TTBK2: variants seen among roughly 807,000 people sequenced by gnomAD.
The protein encoded by TTBK2 is tau-tubulin kinase 2.
A neutral mutation model predicts 110.8 loss-of-function variants in TTBK2; 28 were observed. That is an observed-to-expected ratio of 0.25 (90% confidence interval 0.19 to 0.35). The LOEUF is 0.35. Among genes scored for constraint, TTBK2 ranks in the 10% least tolerant of loss-of-function variants. TTBK2 has a pLI of 1.00. For missense variants in TTBK2, 1,369 were observed against 1,500.3 expected (o/e 0.91, Z 1.45); for synonymous variants, 532 against 527.3 (o/e 1.01, Z -0.12).
At chr15:42,873,657 G>C (rs1353163977) in intron 2 of TTBK2, among the ~76,000 whole-genome samples, 4 of 152,160 alleles carry the variant, frequency 2.6e-5, no homozygotes, top group Non-Finnish European at 4.4e-5. Context: ...AAATATGTTA[G>C]CTTAACTGGG....
chr15:42,853,634 G>A (rs1893809362), intron 3 of TTBK2, among the ~76,000 whole-genome samples: 1 of 152,162 alleles, frequency 6.6e-6, no homozygotes, highest in African/African-American at 2.4e-5. Flanking sequence ...AGCTAACATG[G>A]AAAAGAAGGG....
chr15:42,806,891 T>C (rs1299370555), intron 9 of TTBK2, among the ~76,000 whole-genome samples: 1 of 152,168 alleles, frequency 6.6e-6, no homozygotes, highest in Non-Finnish European at 1.5e-5. Flanking sequence ...CAATTCTTCT[T>C]CTTCCAGTGT....
intron 9 of TTBK2, chr15:42,801,963 C>T: frequency 6.3e-7 from 1 of 1,582,070 alleles, no homozygotes; most frequent in Non-Finnish European, 8.6e-7. Flanking sequence ...GAGTCTCCAG[C>T]TGCCACTTAA....
At chr15:42,783,725 C>A in intron 10 of TTBK2, 90 bp from the exon 11 acceptor site, 1 of 1,019,480 alleles carries the variant, frequency 9.8e-7, no homozygotes, top group Non-Finnish European at 1.5e-6. Flanking sequence ...AAATGAACTC[C>A]ACACATAATT....
intron 1 of TTBK2, among the ~76,000 whole-genome samples, chr15:42,917,943 T>C (rs1307394982): frequency 6.6e-6 from 1 of 152,162 alleles, no homozygotes; most frequent in Non-Finnish European, 1.5e-5. Flanking sequence ...TTTTTTTAAG[T>C]GTGGAAAGAA....
At position 42,775,550 on chromosome 15, in the gene TTBK2, T is replaced by C; in HGVS notation, c.1583A>G (p.Asp528Gly). ...TATAAATCCATTGCTGCCACCACCA[T>C]CTGCCTGCTCAGGGGTGTTGGCAGA... Reference protein sequence around the residue: ...PASANTPEQADGGGSNGFIAV... With the variant: ...PASANTPEQAGGGGSNGFIAV... The change falls in exon 13 of 15, where the codon GAT (aspartate) becomes GGT (glycine). Residue 528 changes from aspartate to glycine, a missense_variant. Physicochemically the swap from Asp to Gly is moderately conservative, Grantham distance 94. Coordinates refer to ENST00000267890, the MANE Select transcript of TTBK2 (RefSeq NM_173500.4). The C allele has an allele frequency of 6.2e-7, 1 of 1,614,206 alleles. No individual in the cohort carries two copies. Among genetic ancestry groups the C allele is most frequent in the Non-Finnish European group, 8.5e-7 (1 of 1,180,024 alleles).
Position 42,749,048 on chromosome 15 carries a change from A to G in TTBK2, c.3273-2791T>C, listed in dbSNP as rs17712677. Reference sequence around the variant, plus strand: ...TGGGATTCTGACTGAACAAAGCTAGAAAATTGCTGATCATCAAAATGCAAC... The same window carrying G: ...TGGGATTCTGACTGAACAAAGCTAGGAAATTGCTGATCATCAAAATGCAAC... On this transcript the variant is annotated intron_variant, in intron 14 of 14. Transcript: ENST00000267890. 6.3e-3 allele frequency among the ~76,000 whole-genome samples: 962 copies of G among 152,356 alleles called. 6 individuals carry two copies. Among genetic ancestry groups the G allele is most frequent in the Non-Finnish European group, 9.5e-3 (643 of 68,030 alleles).
chr15:42,790,422 C>T (rs1218151279), intron 10 of TTBK2, among the ~76,000 whole-genome samples: 2 of 151,316 alleles, frequency 1.3e-5, no homozygotes, highest in African/African-American at 4.9e-5. Context: ...GTAGCTGGGA[C>T]TATAGGTGCA....
At chr15:42,908,344 A>T (rs2030536463) in intron 1 of TTBK2, 1 of 152,142 alleles carries the variant, frequency 6.6e-6, no homozygotes, top group African/African-American at 2.4e-5. Context: ...GGTGGTGTGC[A>T]TCTATAGTCC....
chr15:42,902,611 G>T (rs901782745), intron 1 of TTBK2, among the ~76,000 whole-genome samples: 1 of 152,154 alleles, frequency 6.6e-6, no homozygotes, highest in Non-Finnish European at 1.5e-5. Flanking sequence ...TGCCGGTGAG[G>T]ATGTGAAAAA....
intron 1 of TTBK2, among the ~76,000 whole-genome samples, chr15:42,883,598 G>C (rs192913886): frequency 1.3e-5 from 2 of 151,112 alleles, no homozygotes; most frequent in African/African-American, 4.8e-5. Flanking sequence ...AGAGATATCA[G>C]GAAAAGCAAA....
intron 9 of TTBK2, among the ~76,000 whole-genome samples, chr15:42,795,271 T>G (rs1220681895): frequency 6.7e-6 from 1 of 150,178 alleles, no homozygotes; most frequent in Non-Finnish European, 1.5e-5. Flanking sequence ...TTTTTTTTTT[T>G]GCAGGTTTAA....
intron 10 of TTBK2, among the ~76,000 whole-genome samples, chr15:42,787,715 G>A (rs1045342541): frequency 2.0e-5 from 3 of 152,130 alleles, no homozygotes; most frequent in Non-Finnish European, 4.4e-5. Flanking sequence ...GTTTTCCTCT[G>A]ATCTTTGTTC....
At chr15:42,880,962 T>A (rs1218411500) in intron 1 of TTBK2, among the ~76,000 whole-genome samples, 1 of 151,974 alleles carries the variant, frequency 6.6e-6, no homozygotes, top group African/African-American at 2.4e-5. Context: ...CATTGCATAC[T>A]GAGTTTGTGC....
At chr15:42,826,108 A>G (rs1282899993) in intron 6 of TTBK2, among the ~76,000 whole-genome samples, 1 of 152,174 alleles carries the variant, frequency 6.6e-6, no homozygotes, top group Non-Finnish European at 1.5e-5. Context: ...CCAAACAACC[A>G]ATTCAAGTTT....
intron 11 of TTBK2, among the ~76,000 whole-genome samples, chr15:42,781,317 T>C (rs9920624): frequency 0.79 from 120,070 of 152,038 alleles, 47,535 homozygotes; most frequent in Middle Eastern, 0.88. Context: ...ATGAAAAAAA[T>C]CATTACGGAA....
At chr15:42,908,715 A>C (rs1452494285) in intron 1 of TTBK2, among the ~76,000 whole-genome samples, 1 of 152,146 alleles carries the variant, frequency 6.6e-6, no homozygotes, top group Non-Finnish European at 1.5e-5. Context: ...CTGTATTATA[A>C]AAGAAAGCTG....
intron 9 of TTBK2, among the ~76,000 whole-genome samples, chr15:42,807,241 G>A (rs528296778): frequency 1.6e-4 from 24 of 152,182 alleles, no homozygotes; most frequent in Admixed American, 3.9e-4. Flanking sequence ...TATTAGCAAC[G>A]TTGTAGCAGT....
intron 14 of TTBK2, among the ~76,000 whole-genome samples, chr15:42,751,686 G>A (rs978079914): frequency 2.0e-5 from 3 of 152,256 alleles, no homozygotes; most frequent in African/African-American, 7.2e-5. Flanking sequence ...AGAGGTTGCA[G>A]TGAGCTGAGA....
Sources: gnomAD v4.1 joint callset for allele counts (sites outside exome capture counted in the v4.1 genomes callset) on GRCh38, gnomAD v4.1.1 for gene constraint, MANE v1.5 for transcripts, NCBI Gene and HGNC (gene_info 2026-07-23, HGNC 2026-07-21) for gene names.